Variants in MORC1 observed in about 807,000 individuals in gnomAD.
MORC1 encodes MORC family CW-type zinc finger protein 1.
A neutral mutation model predicts 134.9 loss-of-function variants in MORC1; 59 were observed. The observed-to-expected ratio is 0.44, with a 90% CI of 0.35 to 0.54. The LOEUF (loss-of-function observed/expected upper bound fraction) is 0.54, where lower values mean the gene tolerates loss of function less well. MORC1 is among the 20% of genes least tolerant of loss of function. The probability of loss-of-function intolerance (pLI) is 0.00; values close to 1 mark genes in which losing one functional copy is unlikely to be tolerated. For synonymous variants in MORC1, 395 were observed against 391.7 expected, an observed-to-expected ratio of 1.01 and a Z score of -0.10; for missense variants, 947 against 1,134.5, an observed-to-expected ratio of 0.83 and a Z score of 2.37.
chr3:108,983,469 A>C (rs1947808229), intron 23 of MORC1, among the ~76,000 whole-genome samples: 1 of 152,218 alleles, frequency 6.6e-6, no homozygotes, highest in South Asian at 2.1e-4. Flanking sequence ...TAAAAGTGTG[A>C]CTTGTCAGAA....
At chr3:109,100,382 A>G (rs553754321) in intron 5 of MORC1, 35 bp downstream of exon 5, 1 of 1,447,576 alleles carries the variant, frequency 6.9e-7, no homozygotes, top group South Asian at 1.1e-5. Context: ...TCCCAGTATC[A>G]ATAATATATG....
intron 8 of MORC1, among the ~76,000 whole-genome samples, chr3:109,086,353 T>A (rs369144281): frequency 1.3e-5 from 2 of 152,030 alleles, no homozygotes; most frequent in Non-Finnish European, 2.9e-5. Context: ...AATATGTATA[T>A]CTATTATTTA....
At chr3:109,110,854 C>A in intron 2 of MORC1, 71 bp from the exon 3 acceptor site, 5 of 1,154,520 alleles carry the variant, frequency 4.3e-6, no homozygotes, top group South Asian at 1.5e-5. Context: ...AACCTATTGT[C>A]AGATATCAAA....
chr3:108,990,080 C>T (rs954772651), intron 21 of MORC1, among the ~76,000 whole-genome samples: 1 of 152,128 alleles, frequency 6.6e-6, no homozygotes, highest in Non-Finnish European at 1.5e-5. Flanking sequence ...CCATGTAAGA[C>T]ATGCCTTTTC....
intron 23 of MORC1, among the ~76,000 whole-genome samples, chr3:108,983,025 CA>C (rs200485387): frequency 6.5e-5 from 9 of 138,304 alleles, no homozygotes; most frequent in Admixed American, 7.2e-5. Flanking sequence ...ACAGTGATTC[CA>C]AAAAAAAAAC....
At chr3:109,109,719 A>T (rs1188468569) in intron 3 of MORC1, 1 of 152,276 alleles carries the variant, frequency 6.6e-6, no homozygotes, top group Non-Finnish European at 1.5e-5. Flanking sequence ...CTTAGGGAAG[A>T]ATAAACTGGG....
At chr3:109,028,922 A>T (rs576893190) in intron 16 of MORC1, among the ~76,000 whole-genome samples, 1 of 152,122 alleles carries the variant, frequency 6.6e-6, no homozygotes, top group South Asian at 2.1e-4. Context: ...AGGGGTAGGG[A>T]GGGGAGGAGT....
intron 26 of MORC1, among the ~76,000 whole-genome samples, chr3:108,969,115 A>G (rs1215138827): frequency 2.0e-5 from 3 of 152,164 alleles, no homozygotes; most frequent in Admixed American, 6.6e-5. Flanking sequence ...TTAAAAAAAA[A>G]TCTACCCAGA....
At chr3:109,024,613 G>A (rs933438566) in intron 17 of MORC1, among the ~76,000 whole-genome samples, 1 of 152,144 alleles carries the variant, frequency 6.6e-6, no homozygotes, top group African/African-American at 2.4e-5. Context: ...TGCAGGTTTA[G>A]GTCATTTTTA....
chr3:108,988,308 A>T (rs1647890380), intron 21 of MORC1, among the ~76,000 whole-genome samples: 1 of 152,198 alleles, frequency 6.6e-6, no homozygotes, highest in Non-Finnish European at 1.5e-5. Context: ...GAAAATAAAT[A>T]AGACTACTTC....
At chr3:108,977,872 T>C (rs1262650564) in intron 24 of MORC1, among the ~76,000 whole-genome samples, 1 of 152,138 alleles carries the variant, frequency 6.6e-6, no homozygotes, top group Non-Finnish European at 1.5e-5. Flanking sequence ...TCTATCTAGA[T>C]CATTGGATAA....
At chr3:109,000,305 G>C (rs1260990590) in intron 21 of MORC1, among the ~76,000 whole-genome samples, 1 of 152,018 alleles carries the variant, frequency 6.6e-6, no homozygotes, top group Admixed American at 6.6e-5. Context: ...ATATATTAAG[G>C]CTTTCTTACC....
rs74456733 is a variant in MORC1 at position 109,063,228 on chromosome 3, C to T, written c.819G>A (p.Lys273=). 6.4e-7 allele frequency: 1 copy of T among 1,568,170 alleles called. No individual in the cohort carries two copies. The highest frequency in any genetic ancestry group is 1.1e-5 in the South Asian group (1 of 88,714). The change falls in exon 10 of 28, where the codon AAG becomes AAA. Residue 273 remains lysine (K), a synonymous_variant. Coordinates refer to ENST00000232603, the MANE Select transcript of MORC1 (RefSeq NM_014429.4). ...HLCYCLYRPR[K]YLYVTSSFKG... ...TAAAAGAAGATGTGACATAAAGATA[C>T]TTTCTGGAAAGAAACAAAAAGAACA... is the stretch of plus-strand genomic sequence containing the variant.
At chr3:109,007,865 T>C (rs2107540568) in intron 17 of MORC1, among the ~76,000 whole-genome samples, 1 of 152,364 alleles carries the variant, frequency 6.6e-6, no homozygotes, top group East Asian at 1.9e-4. Context: ...ATTCCATTAA[T>C]ATGTGACCAC....
intron 27 of MORC1, among the ~76,000 whole-genome samples, chr3:108,962,568 A>G (rs1331685130): frequency 6.6e-6 from 1 of 152,110 alleles, no homozygotes; most frequent in Non-Finnish European, 1.5e-5. Flanking sequence ...ATGGCCCAGG[A>G]AGGCTCTGTC....
At chr3:109,106,765 C>G (rs1248957220) in intron 3 of MORC1, among the ~76,000 whole-genome samples, 1 of 152,290 alleles carries the variant, frequency 6.6e-6, no homozygotes, top group East Asian at 1.9e-4. Flanking sequence ...CCTGGGGATA[C>G]AGACACCATC....
At chr3:108,985,401 A>T (rs1340200389) in intron 22 of MORC1, among the ~76,000 whole-genome samples, 1 of 152,196 alleles carries the variant, frequency 6.6e-6, no homozygotes, top group Non-Finnish European at 1.5e-5. Context: ...TCCTTCTTCC[A>T]TGTAGAAGTC....
At chr3:109,005,336 T>C in intron 18 of MORC1, 21 bp from the exon 19 acceptor site, 1 of 1,561,296 alleles carries the variant, frequency 6.4e-7, no homozygotes, top group Non-Finnish European at 8.6e-7. Flanking sequence ...AAAGAACATG[T>C]TTTTATTTTT....
At chr3:109,106,526 CCAAAA>C (rs1378354459) in intron 3 of MORC1, among the ~76,000 whole-genome samples, 12 of 152,106 alleles carry the variant, frequency 7.9e-5, no homozygotes, top group African/African-American at 2.9e-4. Flanking sequence ...TTACGCGTGT[CCAAAA>C]CAAAACAAAC....
Sources: gnomAD v4.1 joint callset for allele counts (sites outside exome capture counted in the v4.1 genomes callset) on GRCh38, gnomAD v4.1.1 for gene constraint, MANE v1.5 for transcripts, NCBI Gene and HGNC (gene_info 2026-07-23, HGNC 2026-07-21) for gene names.